TTC13: variants seen among roughly 807,000 people sequenced by gnomAD.
TTC13 encodes the protein tetratricopeptide repeat domain 13.
TTC13 carries 62 observed loss-of-function variants against 120.0 expected under a neutral mutation model. The ratio of observed to expected loss-of-function variants is 0.52; its 90% CI spans 0.42 to 0.64. The LOEUF (loss-of-function observed/expected upper bound fraction) is 0.64, where lower values mean the gene tolerates loss of function less well. Among genes scored for constraint, TTC13 ranks in the 30% least tolerant of loss-of-function variants. The pLI, the probability that TTC13 is intolerant of heterozygous loss-of-function variation, is 0.00. For missense variants in TTC13, 824 were observed against 1,050.2 expected, an observed-to-expected ratio of 0.78 and a Z score of 2.98; for synonymous variants, 384 against 393.5, an observed-to-expected ratio of 0.98 and a Z score of 0.28.
chr1:230,934,404 A>C (rs1296457654), intron 8 of TTC13, among the ~76,000 whole-genome samples: 1 of 152,192 alleles, frequency 6.6e-6, no homozygotes, highest in Non-Finnish European at 1.5e-5. Flanking sequence ...GTAAAACAAA[A>C]CAAAACAAAA....
chr1:230,929,973 G>A (rs1165787761), intron 11 of TTC13, among the ~76,000 whole-genome samples: 1 of 152,198 alleles, frequency 6.6e-6, no homozygotes, highest in Non-Finnish European at 1.5e-5. Flanking sequence ...AGGCTAGGGT[G>A]ATTGAAACTG....
intron 11 of TTC13, among the ~76,000 whole-genome samples, 168 bp from the exon 12 acceptor site, chr1:230,929,261 C>A (rs1265023706): frequency 6.6e-6 from 1 of 151,920 alleles, no homozygotes; most frequent in African/African-American, 2.4e-5. Flanking sequence ...AGGTAACCTG[C>A]CACTGACTTG....
intron 12 of TTC13, among the ~76,000 whole-genome samples, 175 bp from the exon 13 acceptor site, chr1:230,925,822 C>T (rs963202715): frequency 4.6e-5 from 7 of 152,184 alleles, no homozygotes; most frequent in South Asian, 4.1e-4. Context: ...AAGGGAATCT[C>T]TATGATGGCA....
rs9431910 is a variant in TTC13, at chr1:230,942,006, G to A, written c.673-1450C>T. Among the ~76,000 whole-genome samples the A allele has an allele frequency of 0.13, 20,453 of 151,970 alleles. 1,390 individuals are homozygous for A. Among genetic ancestry groups the A allele is most frequent in the Middle Eastern group, 0.16 (46 of 290 alleles). On this transcript the variant is annotated intron_variant, in intron 6 of 22. Coordinates refer to ENST00000366661, the MANE Select transcript of TTC13 (RefSeq NM_024525.5). The surrounding 1 kb of genome is among the most constrained non-coding windows in gnomAD (Gnocchi z 4.0). Reference sequence around the variant, plus strand: ...ATAAATGGTATGTTATAATTTAGCCGGAAAATTCAGTATGTAGTAACATTA... The same window carrying A: ...ATAAATGGTATGTTATAATTTAGCCAGAAAATTCAGTATGTAGTAACATTA...
Position 230,940,420 on chromosome 1 carries a change from TC to T in TTC13, c.789+19del. The T allele has an allele frequency of 3.4e-6, 5 of 1,491,152 alleles. No homozygotes were observed. Among genetic ancestry groups the T allele is most frequent in the Non-Finnish European group, 4.6e-6 (5 of 1,075,770 alleles). 92.4% of individuals were successfully genotyped at this position (1,491,152 alleles called of 1,614,324 possible). On this transcript the variant is annotated intron_variant, in intron 7 of 22. Coordinates refer to ENST00000366661, the MANE Select transcript of TTC13 (RefSeq NM_024525.5). This position sits in a 1 kb window ranked among gnomAD's most constrained non-coding sequence, Gnocchi z 4.1. Reference sequence around the variant, plus strand: ...AAATCTTCATCATCATAAAAATACTTCAAGACAAAAACCAGTCACCTCTGAT... The same window carrying T: ...AAATCTTCATCATCATAAAAATACTTAAGACAAAAACCAGTCACCTCTGAT...
chr1:230,942,278 CA>C lies in TTC13; in HGVS notation c.672+1527del, dbSNP rs1210368917. 6.6e-6 allele frequency among the ~76,000 whole-genome samples: 1 copy of C among 152,064 alleles called. No homozygotes were observed. The highest frequency in any genetic ancestry group is 1.9e-4 in the East Asian group (1 of 5,188). ...CCCCCTACCAGAAGCAGATGATTAC[CA>C]AATCTGTCACCAAATTAGCCACTAA... On this transcript the variant is annotated intron_variant, in intron 6 of 22. Transcript: ENST00000366661. This position sits in a 1 kb window ranked among gnomAD's most constrained non-coding sequence, Gnocchi z 4.0.
intron 20 of TTC13, among the ~76,000 whole-genome samples, chr1:230,909,879 T>C (rs1023766197): frequency 6.6e-6 from 1 of 152,018 alleles, no homozygotes; most frequent in Non-Finnish European, 1.5e-5. Context: ...AGTGTAGAGC[T>C]GCGAGTGTGC....
intron 1 of TTC13, among the ~76,000 whole-genome samples, chr1:230,966,774 C>G (rs1677168078): frequency 6.6e-6 from 1 of 152,172 alleles, no homozygotes; most frequent in Non-Finnish European, 1.5e-5. Context: ...CGTGTACAGG[C>G]AACCTTAGAA....
In TTC13 at chr1:230,978,813, G is replaced by A. The variant is rs1405601639; in HGVS notation, c.18C>T (p.Cys6=). 3.4e-6 allele frequency: 5 copies of A among 1,487,598 alleles called. No homozygotes were observed. The highest frequency in any genetic ancestry group is 4.4e-6 in the Non-Finnish European group (5 of 1,128,922). 92.1% of individuals were successfully genotyped at this position (1,487,598 alleles called of 1,614,324 possible). A position where few individuals can be genotyped will look rare whatever the true frequency, so the allele number is the denominator to read the frequency against. ...CGCCCCAGAAGCAGCAGCAGCAGCA[G>A]CAGCCGGCAGGTGCCATCTTCCCTC... MAPAG[C]CCCCCFWGGA... The change falls in exon 1 of 23, where the codon TGC becomes TGT. Residue 6 remains cysteine (C), a synonymous_variant. Coordinates refer to ENST00000366661, the MANE Select transcript of TTC13 (RefSeq NM_024525.5). This position sits in a 1 kb window ranked among gnomAD's most constrained non-coding sequence, Gnocchi z 5.6.
chr1:230,909,565 G>T (rs1215383258), intron 20 of TTC13, among the ~76,000 whole-genome samples: 1 of 152,250 alleles, frequency 6.6e-6, no homozygotes, highest in African/African-American at 2.4e-5. Flanking sequence ...CCGGGAGGCA[G>T]AGGTTGCAGT....
At chr1:230,951,170 G>C (rs773814313) in intron 4 of TTC13, among the ~76,000 whole-genome samples, 6 of 152,234 alleles carry the variant, frequency 3.9e-5, no homozygotes, top group Middle Eastern at 3.4e-3. Flanking sequence ...AAGACAACAG[G>C]AAAGGTATAA....
At chr1:230,973,922 A>T (rs1011506191) in intron 1 of TTC13, among the ~76,000 whole-genome samples, 3 of 152,088 alleles carry the variant, frequency 2.0e-5, no homozygotes, top group African/African-American at 7.2e-5. Flanking sequence ...CTAAAAATAC[A>T]AAAAATTAGT....
In TTC13 at chr1:230,978,400, C is replaced by A. The variant is rs1011265948; in HGVS notation, c.271+160G>T. ...CGCGCGGCGGCGTGGGTGGCAGCGG[C>A]GGGAAGCTGCCCGCCAGGACCCCTG... On this transcript the variant is annotated intron_variant, in intron 1 of 22. Coordinates refer to ENST00000366661, the MANE Select transcript of TTC13 (RefSeq NM_024525.5). The surrounding 1 kb of genome is among the most constrained non-coding windows in gnomAD (Gnocchi z 5.6). Among the ~76,000 whole-genome samples the A allele has an allele frequency of 3.3e-4, 50 of 151,664 alleles. No individual in the cohort carries two copies. Among genetic ancestry groups the A allele is most frequent in the Admixed American group, 3.3e-3 (50 of 15,224 alleles).
At chr1:230,969,026 G>A (rs1413951582) in intron 1 of TTC13, among the ~76,000 whole-genome samples, 2 of 152,196 alleles carry the variant, frequency 1.3e-5, no homozygotes, top group Non-Finnish European at 2.9e-5. Flanking sequence ...TGTAATCCCA[G>A]CACTTTGGGA....
At chr1:230,974,390 C>T (rs1345243131) in intron 1 of TTC13, among the ~76,000 whole-genome samples, 6 of 152,176 alleles carry the variant, frequency 3.9e-5, no homozygotes, top group African/African-American at 9.7e-5. Flanking sequence ...TGATGGACCA[C>T]GTATGTGTGA....
At chr1:230,921,535 AT>A in intron 15 of TTC13, 31 bp from the exon 16 acceptor site, 1 of 1,164,584 alleles carries the variant, frequency 8.6e-7, no homozygotes, top group South Asian at 1.5e-5. Flanking sequence ...AATTAAGAAT[AT>A]TTTTATAGAA....
Position 230,925,521 on chromosome 1 carries a change from G to A in TTC13, c.1584C>T (p.His528=). The part of the protein sequence containing the change: ...TPGFLPNKRI[H]RAMGLAALEV... The stretch of plus-strand genomic sequence containing the variant: ...TTCAGGTAGTTTCCAGAATACCTCT[G>A]TGTATTCTCTTGTTTGGCAGGAAAC... Residue 528 remains histidine, a synonymous_variant, in exon 13 of 23, where the codon CAC becomes CAT. Coordinates refer to ENST00000366661, the MANE Select transcript of TTC13 (RefSeq NM_024525.5). The A allele has an allele frequency of 1.2e-6, 2 of 1,613,966 alleles. No homozygotes were observed. The highest frequency in any genetic ancestry group is 2.2e-5 in the East Asian group (1 of 44,866).
intron 1 of TTC13, among the ~76,000 whole-genome samples, chr1:230,964,206 A>T (rs1676914191): frequency 6.6e-6 from 1 of 152,190 alleles, no homozygotes; most frequent in Admixed American, 6.5e-5. Flanking sequence ...GGATGTCCCT[A>T]CTTTTTTCTT....
intron 10 of TTC13, 44 bp from the exon 11 acceptor site, chr1:230,931,516 A>G (rs1260733842): frequency 6.3e-7 from 1 of 1,598,692 alleles, no homozygotes; most frequent in Non-Finnish European, 8.5e-7. Flanking sequence ...GTTTAGGAAA[A>G]CTTTGAAATG....
Sources: allele counts gnomAD v4.1 joint callset (sites outside exome capture counted in the v4.1 genomes callset), GRCh38; gene constraint gnomAD v4.1.1; non-coding constraint Gnocchi (gnomAD v3.1); transcripts MANE v1.5; gene names NCBI Gene and HGNC (gene_info 2026-07-23, HGNC 2026-07-21).